The following KDM6A variants were observed in gnomAD, a reference collection of about 807,000 sequenced individuals.
The protein encoded by KDM6A is lysine-specific demethylase 6A.
KDM6A carries 11 observed loss-of-function variants against 117.6 expected under a neutral mutation model. The ratio of observed to expected loss-of-function variants is 0.09; its 90% CI spans 0.06 to 0.15. KDM6A has a LOEUF of 0.15. KDM6A is among the 10% of genes least tolerant of loss of function. The pLI, the probability that KDM6A is intolerant of heterozygous loss-of-function variation, is 1.00. For synonymous variants in KDM6A, 384 were observed against 396.1 expected, an observed-to-expected ratio of 0.97 and a Z score of 0.36; for missense variants, 799 against 1,077.3, an observed-to-expected ratio of 0.74 and a Z score of 3.62.
intron 2 of KDM6A, among the ~76,000 whole-genome samples, chrX:44,944,247 G>A (rs2037503566): frequency 9.0e-6 from 1 of 110,944 alleles, no homozygotes; most frequent in African/African-American, 3.3e-5. Flanking sequence ...AGCTACTTGG[G>A]AGGCCGAGGC....
At chrX:44,894,833 T>G (rs1289453440) in intron 2 of KDM6A, among the ~76,000 whole-genome samples, 2 of 107,007 alleles carry the variant, frequency 1.9e-5, no homozygotes, top group East Asian at 2.9e-4. Context: ...AGTGGCGCGA[T>G]CTCGGCTCAC....
At position 44,910,851 on chromosome X, in the gene KDM6A, G is replaced by T. The variant is rs367905991; in HGVS notation, c.225+36864G>T. On this transcript the variant is annotated intron_variant, in intron 2 of 29. Transcript: ENST00000611820. ...AGATCAACAGCATCCCAAGGCAGAAGAATTTTTCTTAGTACAGAACAAAAT... is the reference window on the plus strand; with the variant it reads ...AGATCAACAGCATCCCAAGGCAGAATAATTTTTCTTAGTACAGAACAAAAT... Among the ~76,000 whole-genome samples, 8 of 112,071 alleles carry T rather than the reference G, an allele frequency of 7.1e-5. No individual in the cohort carries two copies. In the South Asian group the frequency reaches 2.9e-3, roughly 41 times the overall value.
chrX:45,006,235 CTGAGG>C (rs1173650918), intron 4 of KDM6A, among the ~76,000 whole-genome samples: 2 of 101,376 alleles, frequency 2.0e-5, no homozygotes, highest in Non-Finnish European at 4.0e-5. Context: ...TTTCTCACCC[CTGAGG>C]TGACCACAAG....
chrX:45,039,082 G>A (rs983222031), intron 8 of KDM6A, among the ~76,000 whole-genome samples: 9 of 110,990 alleles, frequency 8.1e-5, no homozygotes, highest in African/African-American at 1.3e-4. Flanking sequence ...TTATGCTGGT[G>A]GTTCCCAAAC....
At chrX:44,941,836 A>AC (rs927313381) in intron 2 of KDM6A, among the ~76,000 whole-genome samples, 2 of 106,598 alleles carry the variant, frequency 1.9e-5, no homozygotes, top group East Asian at 3.0e-4. Flanking sequence ...TGTATTTAAC[A>AC]CCCCCCCTTT....
chrX:45,076,679 C>CTT lies in KDM6A; in HGVS notation c.2859-6_2859-5dup, dbSNP rs10605935. On this transcript the variant is annotated splice_polypyrimidine_tract_variant and intron_variant, in intron 18 of 29. Coordinates refer to ENST00000611820, the MANE Select transcript of KDM6A (RefSeq NM_001291415.2). ...CAAATAAATGTACAACTGATTATCC[C>CTT]TTTTTTTTTTTTTCCAGGAATCTAG... is the stretch of plus-strand genomic sequence containing the variant. 20 of 823,726 alleles carry CTT rather than the reference C, an allele frequency of 2.4e-5. No homozygotes were observed. The African/African-American group carries it at 3.4e-4, about 14-fold the overall frequency. 67.9% of individuals were successfully genotyped at this position (823,726 alleles called of 1,213,427 possible). A position where few individuals can be genotyped will look rare whatever the true frequency, so the allele number is the denominator to read the frequency against.
At chrX:44,927,120 G>T (rs1442232373) in intron 2 of KDM6A, among the ~76,000 whole-genome samples, 1 of 110,854 alleles carries the variant, frequency 9.0e-6, no homozygotes, top group South Asian at 3.8e-4. Context: ...ATATTTACTG[G>T]CCAGTAATGT....
intron 2 of KDM6A, among the ~76,000 whole-genome samples, chrX:44,944,672 A>G (rs2037530873): frequency 9.0e-6 from 1 of 111,435 alleles, no homozygotes; most frequent in African/African-American, 3.3e-5. Context: ...TATATTTCAT[A>G]TTTTTGGAGC....
At chrX:44,990,407 G>A (rs746134715) in intron 4 of KDM6A, among the ~76,000 whole-genome samples, 10 of 110,310 alleles carry the variant, frequency 9.1e-5, no homozygotes, top group African/African-American at 3.3e-4. Flanking sequence ...CAATGTGGTG[G>A]CACGCGCTTG....
chrX:44,904,949 A>G (rs962077941), intron 2 of KDM6A, among the ~76,000 whole-genome samples: 4 of 111,838 alleles, frequency 3.6e-5, no homozygotes, highest in African/African-American at 6.5e-5. Flanking sequence ...TTCTGAAACT[A>G]TTTGCTCGTT....
chrX:45,039,562 G>T (rs1367238944), intron 8 of KDM6A, among the ~76,000 whole-genome samples: 1 of 79,076 alleles, frequency 1.3e-5, no homozygotes, highest in Non-Finnish European at 2.4e-5. Context: ...TCGCAGAGGG[G>T]GATTTGGCAG....
chrX:44,929,285 T>C (rs962650731), intron 2 of KDM6A, among the ~76,000 whole-genome samples: 1 of 107,997 alleles, frequency 9.3e-6, no homozygotes, highest in Admixed American at 1.0e-4. Context: ...TGGGGAGATA[T>C]TGTCATTGTT....
chrX:45,100,638 G>C (rs948586458), intron 27 of KDM6A, among the ~76,000 whole-genome samples: 1 of 110,412 alleles, frequency 9.1e-6, no homozygotes, highest in South Asian at 3.8e-4. Flanking sequence ...TTTGTCTTAC[G>C]CCCCTGTAAT....
intron 4 of KDM6A, among the ~76,000 whole-genome samples, chrX:45,006,173 G>A (rs992430425): frequency 1.8e-5 from 1 of 55,963 alleles, no homozygotes; most frequent in Admixed American, 1.8e-4. Flanking sequence ...GCCCCCCCCC[G>A]CCGCCATGTT....
At chrX:45,076,962 G>C (rs938282001) in intron 19 of KDM6A, 136 bp downstream of exon 19, 1 of 531,271 alleles carries the variant, frequency 1.9e-6, no homozygotes, top group Non-Finnish European at 3.1e-6. Flanking sequence ...TTGGGGGCGG[G>C]GGGGAAGATA....
intron 2 of KDM6A, among the ~76,000 whole-genome samples, chrX:44,878,021 A>G (rs1055310588): frequency 2.7e-5 from 3 of 111,379 alleles, no homozygotes; most frequent in African/African-American, 6.5e-5. Context: ...TAATATTTGG[A>G]TGTTGATTAA....
intron 2 of KDM6A, among the ~76,000 whole-genome samples, chrX:44,914,454 A>G (rs2035427705): frequency 8.9e-6 from 1 of 111,956 alleles, no homozygotes; most frequent in South Asian, 3.7e-4. Context: ...GTTAATGCAG[A>G]AGTTTTTTAT....
At chrX:44,923,454 T>G (rs1283420354) in intron 2 of KDM6A, among the ~76,000 whole-genome samples, 1 of 108,844 alleles carries the variant, frequency 9.2e-6, no homozygotes, top group East Asian at 2.8e-4. Context: ...TTTTCTTTGC[T>G]GTATCTCGTT....
chrX:45,054,279 C>T (rs1179689173), intron 10 of KDM6A, among the ~76,000 whole-genome samples: 1 of 111,564 alleles, frequency 9.0e-6, no homozygotes, highest in Admixed American at 9.5e-5. Flanking sequence ...CTTCAGACTT[C>T]CAGTATTTTT....
Sources: gnomAD v4.1 joint callset for allele counts (sites outside exome capture counted in the v4.1 genomes callset) on GRCh38, gnomAD v4.1.1 for gene constraint, MANE v1.5 for transcripts, NCBI Gene and HGNC (gene_info 2026-07-23, HGNC 2026-07-21) for gene names.